The following CCDC178 variants were observed in gnomAD, a reference collection of about 807,000 sequenced individuals.
CCDC178 encodes the protein coiled-coil domain containing 178, also known as coiled-coil domain-containing protein 178.
Under a neutral mutation model 117.4 loss-of-function variants are expected in CCDC178, and 126 were observed. The ratio of observed to expected loss-of-function variants is 1.07; its 90% CI spans 0.93 to 1.24. CCDC178 has a LOEUF of 1.24. CCDC178 is among the 50% of genes most tolerant of loss of function. The pLI, the probability that CCDC178 is intolerant of heterozygous loss-of-function variation, is 0.00. For synonymous variants in CCDC178, 283 were observed against 313.4 expected (o/e 0.90, Z 1.02); for missense variants, 1,030 against 986.9 (o/e 1.04, Z -0.59).
At chr18:33,007,862 T>C (rs1383763604) in intron 21 of CCDC178, among the ~76,000 whole-genome samples, 2 of 152,080 alleles carry the variant, frequency 1.3e-5, no homozygotes, top group Admixed American at 1.3e-4. Flanking sequence ...TCCTAATGTA[T>C]GAAAATGGAA....
At chr18:33,380,200 C>T in intron 5 of CCDC178, among the ~76,000 whole-genome samples, 1 of 152,146 alleles carries the variant, frequency 6.6e-6, no homozygotes, top group East Asian at 1.9e-4. Context: ...CCAGGAGAAG[C>T]TGGACTGTGG....
intron 12 of CCDC178, among the ~76,000 whole-genome samples, chr18:33,270,328 A>G (rs757796993): frequency 6.6e-6 from 1 of 151,666 alleles, no homozygotes; most frequent in Non-Finnish European, 1.5e-5. Context: ...GTATATTCAA[A>G]TAAATAATGG....
Position 33,215,904 on chromosome 18 carries a change from T to C in CCDC178, c.1933-209A>G, listed in dbSNP as rs113453096. Among the ~76,000 whole-genome samples the C allele has an allele frequency of 1.3e-3, 201 of 152,068 alleles. 2 individuals are homozygous for C. The highest frequency in any genetic ancestry group is 3.4e-3 in the Middle Eastern group (1 of 294). The stretch of plus-strand genomic sequence containing the variant: ...TAGAGCCAGGAGTTCAAGACCAACC[T>C]GGACAACAAAGCAAGCACCTGGTCT... On this transcript the variant is annotated intron_variant, in intron 18 of 22. Transcript: ENST00000383096.
chr18:33,047,403 A>T (rs902052824), intron 21 of CCDC178, among the ~76,000 whole-genome samples: 3 of 152,112 alleles, frequency 2.0e-5, no homozygotes, highest in African/African-American at 7.2e-5. Context: ...CATTTTTGTG[A>T]TATATCTGCA....
intron 20 of CCDC178, among the ~76,000 whole-genome samples, chr18:33,203,188 C>T (rs1026260844): frequency 6.6e-6 from 1 of 152,064 alleles, no homozygotes; most frequent in African/African-American, 2.4e-5. Flanking sequence ...CATATTTGCT[C>T]TTATGAACTG....
intron 20 of CCDC178, among the ~76,000 whole-genome samples, chr18:33,123,779 A>T (rs1467027684): frequency 1.3e-5 from 2 of 152,148 alleles, no homozygotes; most frequent in Non-Finnish European, 2.9e-5. Context: ...AAGGGAATAT[A>T]TTATCTCAGA....
At chr18:32,976,380 G>A (rs2055028222) in intron 21 of CCDC178, among the ~76,000 whole-genome samples, 1 of 152,020 alleles carries the variant, frequency 6.6e-6, no homozygotes, top group South Asian at 2.1e-4. Context: ...TATTGTTCAG[G>A]GACAGGAGAA....
intron 21 of CCDC178, among the ~76,000 whole-genome samples, chr18:33,066,739 C>T (rs539836077): frequency 6.6e-6 from 1 of 152,258 alleles, no homozygotes; most frequent in Admixed American, 6.5e-5. Context: ...AAGTAAAAGA[C>T]TGTAGAAACG....
At chr18:33,302,358 C>T (rs1261344520) in intron 11 of CCDC178, among the ~76,000 whole-genome samples, 1 of 152,106 alleles carries the variant, frequency 6.6e-6, no homozygotes, top group African/African-American at 2.4e-5. Flanking sequence ...CCTAACAAAG[C>T]TGGTGAGAAT....
intron 2 of CCDC178, among the ~76,000 whole-genome samples, chr18:33,416,484 A>G (rs895214414): frequency 3.9e-5 from 6 of 152,026 alleles, no homozygotes; most frequent in Admixed American, 3.3e-4. Context: ...AGCCTAGACT[A>G]TATCTACCCT....
chr18:33,229,522 T>C (rs1424899398), intron 15 of CCDC178, among the ~76,000 whole-genome samples: 1 of 152,200 alleles, frequency 6.6e-6, no homozygotes. Flanking sequence ...AAAATAGTTA[T>C]GATTGTCCCT....
chr18:33,126,997 A>AATATAT (rs1555647860), intron 20 of CCDC178, among the ~76,000 whole-genome samples: 4 of 141,186 alleles, frequency 2.8e-5, no homozygotes, highest in African/African-American at 1.1e-4. Context: ...AAAAAAAAAA[A>AATATAT]ATATATATAT....
intron 19 of CCDC178, among the ~76,000 whole-genome samples, chr18:33,212,676 AT>A (rs1311999077): frequency 6.6e-6 from 1 of 151,836 alleles, no homozygotes; most frequent in Non-Finnish European, 1.5e-5. Context: ...AAGATGATAG[AT>A]TTTTTTATTG....
At chr18:33,252,651 G>C (rs969056948) in intron 14 of CCDC178, among the ~76,000 whole-genome samples, 11 of 151,622 alleles carry the variant, frequency 7.3e-5, no homozygotes, top group Non-Finnish European at 1.5e-4. Flanking sequence ...AGGTATTCCA[G>C]GCTATTTAAC....
At chr18:33,011,775 A>T (rs200931579) in intron 21 of CCDC178, among the ~76,000 whole-genome samples, 1,579 of 95,882 alleles carry the variant, frequency 0.016, 3 homozygotes, top group African/African-American at 0.04. Context: ...TGCAAAAAAA[A>T]AAAAAAAAAA....
chr18:33,087,849 T>C (rs1159094848), intron 21 of CCDC178, among the ~76,000 whole-genome samples: 1 of 152,078 alleles, frequency 6.6e-6, no homozygotes, highest in Admixed American at 6.6e-5. Flanking sequence ...TCTAGGAAAA[T>C]AATTAATTGT....
intron 20 of CCDC178, among the ~76,000 whole-genome samples, chr18:33,181,124 G>A (rs2058728874): frequency 1.4e-5 from 2 of 145,498 alleles, no homozygotes; most frequent in South Asian, 4.2e-4. Context: ...CCTGCTTACT[G>A]ATTTTTGTTG....
intron 2 of CCDC178, among the ~76,000 whole-genome samples, chr18:33,420,997 G>A (rs1218516979): frequency 6.6e-6 from 1 of 152,120 alleles, no homozygotes; most frequent in Non-Finnish European, 1.5e-5. Flanking sequence ...AATACAACCA[G>A]AGAAGCAATT....
At chr18:33,249,399 A>C (rs1489026157) in intron 14 of CCDC178, among the ~76,000 whole-genome samples, 7 of 152,182 alleles carry the variant, frequency 4.6e-5, no homozygotes, top group African/African-American at 1.7e-4. Context: ...TTATGGTTTT[A>C]GGTCTAACAT....
Sources: gnomAD v4.1 joint callset for allele counts (sites outside exome capture counted in the v4.1 genomes callset) on GRCh38, gnomAD v4.1.1 for gene constraint, MANE v1.5 for transcripts, NCBI Gene and HGNC (gene_info 2026-07-23, HGNC 2026-07-21) for gene names.